TAFA1: variants seen among roughly 807,000 people sequenced by gnomAD.
The protein encoded by TAFA1 is chemokine-like protein TAFA-1.
TAFA1 carries 4 observed loss-of-function variants against 18.5 expected under a neutral mutation model. The ratio of observed to expected loss-of-function variants is 0.22; its 90% CI spans 0.11 to 0.49. TAFA1 has a LOEUF of 0.49. Ranked by LOEUF, TAFA1 falls within the 20% of genes least tolerant of loss-of-function variation. TAFA1 has a pLI of 0.98. For missense variants in TAFA1, 147 were observed against 169.0 expected, an observed-to-expected ratio of 0.87 and a Z score of 0.72; for synonymous variants, 56 against 55.2, an observed-to-expected ratio of 1.01 and a Z score of -0.06.
At chr3:68,087,161 A>C (rs1280354005) in intron 2 of TAFA1, among the ~76,000 whole-genome samples, 1 of 152,216 alleles carries the variant, frequency 6.6e-6, no homozygotes, top group African/African-American at 2.4e-5. Flanking sequence ...AAGGAATAGA[A>C]TCTAATTTAT....
chr3:68,535,189 C>G (rs1001007208), intron 3 of TAFA1, among the ~76,000 whole-genome samples: 3 of 152,058 alleles, frequency 2.0e-5, no homozygotes, highest in African/African-American at 7.2e-5. Flanking sequence ...CACTGGCAAA[C>G]CTTGATTTGT....
intron 2 of TAFA1, among the ~76,000 whole-genome samples, chr3:68,217,462 G>C (rs969340779): frequency 2.0e-5 from 3 of 152,000 alleles, no homozygotes; most frequent in Non-Finnish European, 4.4e-5. Context: ...AGACTAAAGA[G>C]ACAGATGGCT....
intron 2 of TAFA1, among the ~76,000 whole-genome samples, chr3:68,383,570 G>A (rs1353560024): frequency 2.6e-5 from 4 of 152,084 alleles, no homozygotes; most frequent in African/African-American, 9.7e-5. Context: ...ATGTGCTGCT[G>A]GATTCAGTTT....
chr3:68,138,065 T>C (rs529217510), intron 2 of TAFA1, among the ~76,000 whole-genome samples: 12 of 152,084 alleles, frequency 7.9e-5, no homozygotes, highest in Non-Finnish European at 7.4e-5. Context: ...CCTAATGGAA[T>C]ATATTTGTAT....
intron 2 of TAFA1, among the ~76,000 whole-genome samples, chr3:68,136,044 T>G (rs1432794435): frequency 6.6e-6 from 1 of 152,198 alleles, no homozygotes; most frequent in East Asian, 1.9e-4. Flanking sequence ...TTCTTCTGAT[T>G]TTGACTCATA....
chr3:68,391,550 C>G (rs536436526), intron 2 of TAFA1, among the ~76,000 whole-genome samples: 5 of 152,136 alleles, frequency 3.3e-5, no homozygotes, highest in Admixed American at 2.0e-4. Context: ...CCGTAAGACA[C>G]ATAATCGTCA....
chr3:68,007,371 G>T (rs540433144), intron 2 of TAFA1, among the ~76,000 whole-genome samples: 6 of 151,962 alleles, frequency 3.9e-5, no homozygotes, highest in Admixed American at 3.9e-4. Context: ...AGTTCCGGAC[G>T]CATTTTGCTT....
intron 2 of TAFA1, chr3:68,251,031 C>G (rs931512688): frequency 2.0e-5 from 3 of 151,940 alleles, no homozygotes; most frequent in African/African-American, 7.3e-5. Flanking sequence ...CTCCAACTTA[C>G]CAGCAAGCAG....
At chr3:68,065,129 G>A (rs1026730157) in intron 2 of TAFA1, among the ~76,000 whole-genome samples, 1 of 152,028 alleles carries the variant, frequency 6.6e-6, no homozygotes, top group Non-Finnish European at 1.5e-5. Context: ...CTCAAATTAG[G>A]GAGATCAGAA....
intron 4 of TAFA1, among the ~76,000 whole-genome samples, chr3:68,540,933 T>C (rs1201218797): frequency 1.3e-5 from 2 of 152,212 alleles, no homozygotes; most frequent in African/African-American, 4.8e-5. Flanking sequence ...ACAGGAGTAT[T>C]GTGCAGGATC....
chr3:68,321,126 C>A (rs1256267838), intron 2 of TAFA1, among the ~76,000 whole-genome samples: 1 of 152,166 alleles, frequency 6.6e-6, no homozygotes, highest in Non-Finnish European at 1.5e-5. Context: ...ACTTGAGTAT[C>A]TTTTTCTCTC....
At chr3:68,406,786 C>T (rs1484320379) in intron 2 of TAFA1, among the ~76,000 whole-genome samples, 2 of 152,200 alleles carry the variant, frequency 1.3e-5, no homozygotes, top group Admixed American at 6.5e-5. Flanking sequence ...TCCTCATGCT[C>T]TCTGATGCAT....
At chr3:68,305,726 G>A (rs2068406164) in intron 2 of TAFA1, among the ~76,000 whole-genome samples, 1 of 151,800 alleles carries the variant, frequency 6.6e-6, no homozygotes, top group South Asian at 2.1e-4. Flanking sequence ...ACCAAGGGAA[G>A]AGGATATGTA....
chr3:68,502,689 T>C (rs777799013), intron 3 of TAFA1, among the ~76,000 whole-genome samples: 3 of 152,114 alleles, frequency 2.0e-5, no homozygotes, highest in Non-Finnish European at 2.9e-5. Flanking sequence ...ATCTGCCACA[T>C]TCACCTTCAC....
intron 2 of TAFA1, among the ~76,000 whole-genome samples, chr3:68,415,909 CAG>C (rs1306096006): frequency 2.0e-5 from 3 of 152,166 alleles, no homozygotes; most frequent in Admixed American, 1.3e-4. Flanking sequence ...TACTCAAAAT[CAG>C]AGACTCTTGC....
At chr3:68,515,612 G>A (rs2072909795) in intron 3 of TAFA1, among the ~76,000 whole-genome samples, 5 of 152,168 alleles carry the variant, frequency 3.3e-5, no homozygotes, top group Admixed American at 3.3e-4. Context: ...ACATCACCAA[G>A]CCTCATATAA....
intron 3 of TAFA1, among the ~76,000 whole-genome samples, chr3:68,419,138 A>G (rs1424962659): frequency 1.3e-5 from 2 of 152,316 alleles, no homozygotes; most frequent in African/African-American, 2.4e-5. Flanking sequence ...GAGTAATCCA[A>G]TAAAACAATA....
At chr3:68,025,173 G>T (rs542156481) in intron 2 of TAFA1, among the ~76,000 whole-genome samples, 1 of 152,162 alleles carries the variant, frequency 6.6e-6, no homozygotes, top group African/African-American at 2.4e-5. Flanking sequence ...CCTAGAAATT[G>T]CCAACTACTG....
At chr3:68,424,421 C>A (rs2071016450) in intron 3 of TAFA1, among the ~76,000 whole-genome samples, 1 of 151,860 alleles carries the variant, frequency 6.6e-6, no homozygotes, top group African/African-American at 2.4e-5. Context: ...TTCATTTTCC[C>A]CAAGAACTGT....
Sources: gnomAD v4.1 joint callset for allele counts (sites outside exome capture counted in the v4.1 genomes callset) on GRCh38, gnomAD v4.1.1 for gene constraint, MANE v1.5 for transcripts, NCBI Gene and HGNC (gene_info 2026-07-23, HGNC 2026-07-21) for gene names.